The following PDE8B variants were observed in gnomAD, a reference collection of about 807,000 sequenced individuals.
PDE8B encodes the protein phosphodiesterase 8B.
Under a neutral mutation model 101.3 loss-of-function variants are expected in PDE8B, and 26 were observed. The ratio of observed to expected loss-of-function variants is 0.26; its 90% CI spans 0.19 to 0.36. The LOEUF (loss-of-function observed/expected upper bound fraction) is 0.36, where lower values mean the gene tolerates loss of function less well. Among genes scored for constraint, PDE8B ranks in the 10% least tolerant of loss-of-function variants. PDE8B has a pLI of 1.00. For synonymous variants in PDE8B, 424 were observed against 429.3 expected, an observed-to-expected ratio of 0.99 and a Z score of 0.15; for missense variants, 810 against 1,163.1, an observed-to-expected ratio of 0.70 and a Z score of 4.42.
At chr5:77,147,520 G>A in the PDE8B span, 1 of 151,876 alleles carries the variant, frequency 6.6e-6, no homozygotes, top group African/African-American at 2.4e-5. Flanking sequence ...TTGTTGTTTT[G>A]TTAACTGAAT....
At chr5:77,104,618 C>T in the PDE8B span, 2 of 151,968 alleles carry the variant, frequency 1.3e-5, no homozygotes, top group Admixed American at 1.3e-4. Flanking sequence ...CTGCTGGCTC[C>T]CTGATCTTGG....
chr5:77,258,156 G>A (rs1430536050), intron 1 of PDE8B, among the ~76,000 whole-genome samples: 1 of 152,050 alleles, frequency 6.6e-6, no homozygotes, highest in African/African-American at 2.4e-5. Context: ...GGGCATGGTG[G>A]CAGGTACCTG....
chr5:77,110,183 A>G, the PDE8B span, among the ~76,000 whole-genome samples: 3 of 151,934 alleles, frequency 2.0e-5, no homozygotes, highest in Admixed American at 2.0e-4. Flanking sequence ...CCTGACCTCA[A>G]GTAATCTGCC....
At chr5:77,276,691 C>G (rs1763921380) in intron 1 of PDE8B, among the ~76,000 whole-genome samples, 1 of 152,120 alleles carries the variant, frequency 6.6e-6, no homozygotes, top group African/African-American at 2.4e-5. Context: ...GTAATTAATG[C>G]TTAGCCCTTC....
chr5:77,105,875 T>C, the PDE8B span: 1 of 152,208 alleles, frequency 6.6e-6, no homozygotes, highest in Non-Finnish European at 1.5e-5. Flanking sequence ...TGGTTTAGTT[T>C]TAATGTGCAT....
rs141570010 is a variant in PDE8B at position 77,333,922 on chromosome 5, G to A, written c.708+2463G>A. On this transcript the variant is annotated intron_variant, in intron 5 of 21. Transcript: ENST00000264917. Reference sequence around the variant, plus strand: ...AGCGGTAGCTGTCAGGGACCACCTGGTGTTCTTCAGTGCTGGCCCTGATAG... The same window carrying A: ...AGCGGTAGCTGTCAGGGACCACCTGATGTTCTTCAGTGCTGGCCCTGATAG... Among the ~76,000 whole-genome samples, 1,070 of 152,338 alleles carry A rather than the reference G, an allele frequency of 7.0e-3. 7 individuals are homozygous for A. The highest frequency in any genetic ancestry group is 0.02 in the Middle Eastern group (6 of 294).
At chr5:77,345,145 T>C (rs1779918609) in intron 7 of PDE8B, among the ~76,000 whole-genome samples, 1 of 152,190 alleles carries the variant, frequency 6.6e-6, no homozygotes, top group Non-Finnish European at 1.5e-5. Flanking sequence ...GAACCTGCAA[T>C]TTCTTTGACA....
chr5:77,119,257 T>A, the PDE8B span: 6 of 152,206 alleles, frequency 3.9e-5, no homozygotes, highest in East Asian at 1.2e-3. Flanking sequence ...TGGAAAGGTC[T>A]GGCACTTTCT....
intron 10 of PDE8B, among the ~76,000 whole-genome samples, chr5:77,362,141 A>G (rs1783214729): frequency 6.6e-6 from 1 of 152,226 alleles, no homozygotes; most frequent in Non-Finnish European, 1.5e-5. Context: ...GAAAGCAGCA[A>G]TAGATGATAT....
At chr5:77,261,675 A>G (rs757615510) in intron 1 of PDE8B, among the ~76,000 whole-genome samples, 4 of 152,178 alleles carry the variant, frequency 2.6e-5, no homozygotes, top group Admixed American at 6.5e-5. Flanking sequence ...CCTGCTCTCC[A>G]CACTAGACCT....
At chr5:77,204,848 A>G in the PDE8B span, among the ~76,000 whole-genome samples, 1 of 152,192 alleles carries the variant, frequency 6.6e-6, no homozygotes, top group Non-Finnish European at 1.5e-5. Flanking sequence ...GGATTGTACT[A>G]TATTTTCATG....
In PDE8B at chr5:77,285,508, G is replaced by A. The variant is rs536776078; in HGVS notation, c.340-26486G>A. 5.9e-5 allele frequency among the ~76,000 whole-genome samples: 9 copies of A among 152,232 alleles called. No individual in the cohort carries two copies. In the South Asian group the frequency reaches 1.9e-3, roughly 32 times the overall value. On this transcript the variant is annotated intron_variant, in intron 1 of 21. Transcript: ENST00000264917. ...GAATCATTGTCCCACTGTGTGTATT[G>A]TGTAGTTTTTCTCGGGCCGCTTTTG...
chr5:77,277,903 A>C (rs1764161173), intron 1 of PDE8B, among the ~76,000 whole-genome samples: 1 of 152,270 alleles, frequency 6.6e-6, no homozygotes, highest in Admixed American at 6.5e-5. Flanking sequence ...CTTCATTTGC[A>C]AAGTAAACTA....
intron 17 of PDE8B, among the ~76,000 whole-genome samples, chr5:77,417,875 A>C (rs1795883320): frequency 6.6e-6 from 1 of 152,206 alleles, no homozygotes; most frequent in Admixed American, 6.5e-5. Flanking sequence ...TTTCAGAGCT[A>C]GGCAAATTGG....
At chr5:77,338,238 TATTGTC>T (rs1431013075) in intron 6 of PDE8B, among the ~76,000 whole-genome samples, 1 of 152,210 alleles carries the variant, frequency 6.6e-6, no homozygotes, top group Non-Finnish European at 1.5e-5. Context: ...CTTGATTACT[TATTGTC>T]ATTCAAAGAC....
At chr5:77,364,810 A>G (rs530093867) in intron 10 of PDE8B, among the ~76,000 whole-genome samples, 2 of 152,342 alleles carry the variant, frequency 1.3e-5, no homozygotes, top group East Asian at 1.9e-4. Context: ...GAGCACTTTC[A>G]TAGCAAACAC....
chr5:77,133,062 T>C, the PDE8B span, among the ~76,000 whole-genome samples: 1 of 152,248 alleles, frequency 6.6e-6, no homozygotes, highest in Non-Finnish European at 1.5e-5. Context: ...GATTCCACAA[T>C]AACATGTGGT....
intron 1 of PDE8B, among the ~76,000 whole-genome samples, chr5:77,277,584 T>C (rs1764094399): frequency 6.6e-6 from 1 of 152,238 alleles, no homozygotes; most frequent in African/African-American, 2.4e-5. Context: ...GGCTTACTTT[T>C]AAGTAGCTAT....
chr5:77,255,174 G>T (rs1758843091), intron 1 of PDE8B, among the ~76,000 whole-genome samples: 1 of 152,096 alleles, frequency 6.6e-6, no homozygotes. Flanking sequence ...ACTTAGGGTG[G>T]TACACTCTTT....
Sources: allele counts gnomAD v4.1 joint callset (sites outside exome capture counted in the v4.1 genomes callset), GRCh38; gene constraint gnomAD v4.1.1; transcripts MANE v1.5; gene names NCBI Gene and HGNC (gene_info 2026-07-23, HGNC 2026-07-21).